The following FGD5 variants were observed in gnomAD, a reference collection of about 807,000 sequenced individuals.
FGD5 encodes the protein FYVE, RhoGEF and PH domain-containing protein 5.
FGD5 carries 28 observed loss-of-function variants against 133.4 expected under a neutral mutation model. That is an observed-to-expected ratio of 0.21 (90% CI 0.16 to 0.29). FGD5 has a LOEUF of 0.29. Ranked by LOEUF, FGD5 falls within the 10% of genes least tolerant of loss-of-function variation. The pLI is 1.00. For synonymous variants in FGD5, 810 were observed against 776.5 expected, an observed-to-expected ratio of 1.04 and a Z score of -0.72; for missense variants, 1,858 against 1,895.2, an observed-to-expected ratio of 0.98 and a Z score of 0.36.
In FGD5 at chr3:14,893,752, CTTTTTTTTTT is replaced by C. The variant is rs138741627; in HGVS notation, c.2749-3746_2749-3737del. Among the ~76,000 whole-genome samples, 95 of 95,062 alleles carry C rather than the reference CTTTTTTTTTT, an allele frequency of 1.0e-3. 1 individual carries two copies. The highest frequency in any genetic ancestry group is 2.0e-3 in the Admixed American group (14 of 6,840). 62.4% of individuals were successfully genotyped at this position (95,062 alleles called of 152,430 possible). A position where few individuals can be genotyped will look rare whatever the true frequency, so the allele number is the denominator to read the frequency against. The stretch of plus-strand genomic sequence containing the variant: ...TTTCTTTTTCTTTCTTTTCTTTTTT[CTTTTTTTTTT>C]TTTTTTTTTTGAGACAGAGTCTCTC... On this transcript the variant is annotated intron_variant, in intron 4 of 19. Transcript: ENST00000285046.
At chr3:14,838,517 G>T (rs1390243842) in intron 1 of FGD5, among the ~76,000 whole-genome samples, 1 of 152,108 alleles carries the variant, frequency 6.6e-6, no homozygotes, top group Non-Finnish European at 1.5e-5. Context: ...AGTGATTCAG[G>T]TCTATCCCAA....
chr3:14,811,443 T>A (rs1476482427), intron 1 of FGD5: 1 of 151,924 alleles, frequency 6.6e-6, no homozygotes, highest in Non-Finnish European at 1.5e-5. Flanking sequence ...AAGCCCTAAA[T>A]TAATCCCCCT....
At chr3:14,889,787 A>G (rs1415677406) in intron 4 of FGD5, among the ~76,000 whole-genome samples, 1 of 152,042 alleles carries the variant, frequency 6.6e-6, no homozygotes, top group African/African-American at 2.4e-5. Context: ...CATTTCCCTG[A>G]TGATTAATAA....
chr3:14,902,412 A>G (rs895305370), intron 9 of FGD5, among the ~76,000 whole-genome samples: 2 of 151,932 alleles, frequency 1.3e-5, no homozygotes, highest in Non-Finnish European at 1.5e-5. Flanking sequence ...TGGAGGTTGG[A>G]CGGTGCATGT....
chr3:14,853,832 AAGGAC>A (rs1559480884), intron 1 of FGD5, among the ~76,000 whole-genome samples: 1 of 87,312 alleles, frequency 1.1e-5, no homozygotes, highest in African/African-American at 4.4e-5. Context: ...GGCTGCCGAA[AAGGAC>A]TAGGCTCATT....
chr3:14,832,395 G>T (rs561949467), intron 1 of FGD5, among the ~76,000 whole-genome samples: 7 of 152,226 alleles, frequency 4.6e-5, no homozygotes, highest in Non-Finnish European at 1.0e-4. Flanking sequence ...TAGCAGATCA[G>T]AAAACTAGGG....
intron 1 of FGD5, among the ~76,000 whole-genome samples, chr3:14,827,281 C>CTTTTTTT (rs1176016508): frequency 1.9e-5 from 2 of 104,786 alleles, no homozygotes; most frequent in African/African-American, 4.7e-5. Context: ...TTCTGGTATT[C>CTTTTTTT]TTTTTTTTTT....
intron 1 of FGD5, among the ~76,000 whole-genome samples, chr3:14,833,508 T>C (rs2036757994): frequency 6.6e-6 from 1 of 152,182 alleles, no homozygotes; most frequent in South Asian, 2.1e-4. Flanking sequence ...CAGGGTAGTC[T>C]TGTAAGGTAG....
chr3:14,836,959 G>A (rs1221476355), intron 1 of FGD5, among the ~76,000 whole-genome samples: 1 of 152,174 alleles, frequency 6.6e-6, no homozygotes, highest in Non-Finnish European at 1.5e-5. Context: ...CAAATGGAAG[G>A]GACAGTGGGG....
At chr3:14,924,357 C>G (rs897135544) in intron 17 of FGD5, among the ~76,000 whole-genome samples, 1 of 152,176 alleles carries the variant, frequency 6.6e-6, no homozygotes, top group Non-Finnish European at 1.5e-5. Context: ...CCCTCCTCCT[C>G]TTTCTTTTCT....
intron 1 of FGD5, among the ~76,000 whole-genome samples, chr3:14,862,056 T>C (rs1160213022): frequency 3.3e-5 from 5 of 151,774 alleles, no homozygotes; most frequent in African/African-American, 9.7e-5. Context: ...GGTTGGGAGG[T>C]ATTTGAAGGT....
intron 1 of FGD5, among the ~76,000 whole-genome samples, chr3:14,838,783 G>A: frequency 6.6e-6 from 1 of 152,200 alleles, no homozygotes. Context: ...AGTCCAAACA[G>A]GGAGAAAATG....
At position 14,841,997 on chromosome 3, in the gene FGD5, G is replaced by C. The variant is rs1440827895; in HGVS notation, c.2525+20401G>C. Among the ~76,000 whole-genome samples, 4 of 152,212 alleles carry C rather than the reference G, an allele frequency of 2.6e-5. No individual in the cohort carries two copies. The East Asian group carries it at 5.8e-4, about 22-fold the overall frequency. On this transcript the variant is annotated intron_variant, in intron 1 of 19. Transcript: ENST00000285046. ...ACGCTGTGCCTGAGAGTAAAGTCTG[G>C]GGTGTGCTTTTGTCCTGAAAAGGCA... is the stretch of plus-strand genomic sequence containing the variant.
chr3:14,848,697 T>C (rs1009341959), intron 1 of FGD5, among the ~76,000 whole-genome samples: 2 of 152,236 alleles, frequency 1.3e-5, no homozygotes, highest in Admixed American at 6.5e-5. Context: ...AATTAACTTA[T>C]TGAACCTTGA....
In FGD5 at chr3:14,864,224, G is replaced by C. The variant is rs1289595478; in HGVS notation, c.2622G>C (p.Glu874Asp). 3.1e-6 allele frequency: 5 copies of C among 1,613,986 alleles called. No homozygotes were observed. In the Admixed American group the frequency reaches 6.7e-5, roughly 22 times the overall value. Residue 874 changes from glutamate to aspartate, a missense_variant, in exon 2 of 20, where the codon GAG becomes GAC. Around this residue, in one of 3 missense-constraint regions of FGD5, gnomAD observed 1,824 missense variants for 1,848.9 expected, o/e 0.99. Transcript: ENST00000285046. ...AAGAGCAGAGAAGCTCGGAGGAGGA[G>C]GACAGTGCTTCAAGAGACCCCAGTG... ...SDEEQRSSEE[E>D]DSASRDPSVT...
At chr3:14,874,732 A>T (rs2037683456) in intron 2 of FGD5, among the ~76,000 whole-genome samples, 1 of 152,234 alleles carries the variant, frequency 6.6e-6, no homozygotes, top group African/African-American at 2.4e-5. Context: ...GTTCCAAGAT[A>T]GCATGCTGCT....
intron 2 of FGD5, among the ~76,000 whole-genome samples, chr3:14,874,288 G>A (rs1257450984): frequency 2.0e-5 from 3 of 152,080 alleles, no homozygotes; most frequent in Non-Finnish European, 4.4e-5. Flanking sequence ...GGAGGCCAAG[G>A]CAGGAGGTTC....
At chr3:14,869,912 ATCTC>A (rs2037573551) in intron 2 of FGD5, among the ~76,000 whole-genome samples, 1 of 152,306 alleles carries the variant, frequency 6.6e-6, no homozygotes, top group South Asian at 2.1e-4. Flanking sequence ...GGGTGCACAG[ATCTC>A]TCTAAGACCC....
rs1204839969 is a variant in FGD5, at chr3:14,849,498, AT to A, written c.2526-14627del. Among the ~76,000 whole-genome samples, 4 of 152,196 alleles carry A rather than the reference AT, an allele frequency of 2.6e-5. No individual in the cohort carries two copies. In the East Asian group the frequency reaches 7.7e-4, roughly 29 times the overall value. ...TAGCAGAGTGGACCTTGGGCAAGTC[AT>A]TTAACTTCACAGAGCCTTAGTTTCT... On this transcript the variant is annotated intron_variant, in intron 1 of 19. Coordinates refer to ENST00000285046, the MANE Select transcript of FGD5 (RefSeq NM_152536.4).
Sources: allele counts gnomAD v4.1 joint callset (sites outside exome capture counted in the v4.1 genomes callset), GRCh38; gene constraint gnomAD v4.1.1; regional missense constraint gnomAD v4.1.1; transcripts MANE v1.5; gene names NCBI Gene and HGNC (gene_info 2026-07-23, HGNC 2026-07-21).